GRIN2B: variants seen among roughly 807,000 people sequenced by gnomAD.
GRIN2B encodes glutamate receptor ionotropic, NMDA 2B.
GRIN2B carries 5 observed loss-of-function variants against 114.5 expected under a neutral mutation model. That is an observed-to-expected ratio of 0.04 (90% CI 0.02 to 0.09). The LOEUF is 0.09. Among genes scored for constraint, GRIN2B ranks in the 10% least tolerant of loss-of-function variants. The probability of loss-of-function intolerance (pLI) is 1.00; values close to 1 mark genes in which losing one functional copy is unlikely to be tolerated. For synonymous variants in GRIN2B, 787 were observed against 745.1 expected (o/e 1.06, Z -0.92); for missense variants, 1,108 against 1,943.5 (o/e 0.57, Z 8.08).
chr12:13,950,926 G>A (rs1343703568), intron 2 of GRIN2B, among the ~76,000 whole-genome samples: 1 of 152,072 alleles, frequency 6.6e-6, no homozygotes, highest in Non-Finnish European at 1.5e-5. Flanking sequence ...ATAGAAAAAA[G>A]CTAAGTTTGA....
chr12:13,779,741 C>CACTGCAGTT (rs1864072643), intron 3 of GRIN2B, among the ~76,000 whole-genome samples: 1 of 152,140 alleles, frequency 6.6e-6, no homozygotes, highest in Non-Finnish European at 1.5e-5. Flanking sequence ...CCATACTGAA[C>CACTGCAGTT]ACTGCAGTTA....
At chr12:13,734,832 G>A (rs899893784) in intron 4 of GRIN2B, among the ~76,000 whole-genome samples, 2 of 152,168 alleles carry the variant, frequency 1.3e-5, no homozygotes, top group African/African-American at 4.8e-5. Flanking sequence ...GATCTTAAAG[G>A]ACACCTATGT....
chr12:13,749,134 T>C (rs1863437712), intron 4 of GRIN2B, among the ~76,000 whole-genome samples: 1 of 152,244 alleles, frequency 6.6e-6, no homozygotes, highest in South Asian at 2.1e-4. Context: ...ATTGAAATAG[T>C]GCATTTAAGG....
At chr12:13,786,388 G>A (rs1454128285) in intron 3 of GRIN2B, among the ~76,000 whole-genome samples, 4 of 152,052 alleles carry the variant, frequency 2.6e-5, no homozygotes, top group East Asian at 1.9e-4. Flanking sequence ...TGGGACCACC[G>A]ATGCCTTAAA....
chr12:13,974,072 T>C (rs1211559606), intron 2 of GRIN2B, among the ~76,000 whole-genome samples: 1 of 152,186 alleles, frequency 6.6e-6, no homozygotes, highest in Admixed American at 6.5e-5. Flanking sequence ...CATCACTCCC[T>C]TTGCCATTAC....
intron 10 of GRIN2B, among the ~76,000 whole-genome samples, chr12:13,602,625 T>G (rs1949176119): frequency 1.3e-5 from 2 of 152,204 alleles, no homozygotes; most frequent in African/African-American, 4.8e-5. Context: ...AGAACGCATA[T>G]TTATTTACTT....
At position 13,548,294 on chromosome 12, in the gene GRIN2B, G is replaced by A. The variant is rs1430645072; in HGVS notation, c.*14489C>T. 6.6e-6 allele frequency: 1 copy of A among 152,006 alleles called. No individual in the cohort carries two copies. The highest frequency in any genetic ancestry group is 1.5e-5 in the Non-Finnish European group (1 of 67,988). 9.4% of individuals were successfully genotyped at this position (152,006 alleles called of 1,614,324 possible). A position where few individuals can be genotyped will look rare whatever the true frequency, so the allele number is the denominator to read the frequency against. On this transcript the variant is annotated 3_prime_UTR_variant, in exon 14 of 14. Transcript: ENST00000609686. ...GTGTATACTCGGTTTAGTGGCTTCAGTCTTGTGCAGATATAGATTTTCTTT... is the reference window on the plus strand; with the variant it reads ...GTGTATACTCGGTTTAGTGGCTTCAATCTTGTGCAGATATAGATTTTCTTT...
At chr12:13,712,244 G>A (rs1318065803) in intron 4 of GRIN2B, among the ~76,000 whole-genome samples, 1 of 151,678 alleles carries the variant, frequency 6.6e-6, no homozygotes, top group African/African-American at 2.4e-5. Context: ...TGGGGGGAAG[G>A]GGGAGGGATA....
intron 2 of GRIN2B, among the ~76,000 whole-genome samples, chr12:13,922,421 C>G (rs1011244491): frequency 3.3e-5 from 5 of 152,084 alleles, no homozygotes; most frequent in African/African-American, 7.2e-5. Context: ...GTTAGGATTA[C>G]AAGATTAGTA....
At chr12:13,618,622 A>G (rs766677877) in intron 5 of GRIN2B, among the ~76,000 whole-genome samples, 46 of 152,124 alleles carry the variant, frequency 3.0e-4, no homozygotes, top group Non-Finnish European at 6.3e-4. Flanking sequence ...TATAATCCTG[A>G]TTCAAAAATT....
At chr12:13,929,153 T>G (rs553377364) in intron 2 of GRIN2B, among the ~76,000 whole-genome samples, 2 of 152,328 alleles carry the variant, frequency 1.3e-5, no homozygotes, top group East Asian at 1.9e-4. Flanking sequence ...ACCTGAAGAT[T>G]TGTTCAAGAA....
intron 4 of GRIN2B, among the ~76,000 whole-genome samples, chr12:13,696,404 T>C (rs1229162725): frequency 6.6e-6 from 1 of 152,180 alleles, no homozygotes; most frequent in Non-Finnish European, 1.5e-5. Flanking sequence ...CCAACATCTC[T>C]TTTGCATGGT....
intron 5 of GRIN2B, among the ~76,000 whole-genome samples, chr12:13,656,891 C>A (rs1949869921): frequency 6.6e-6 from 1 of 152,128 alleles, no homozygotes; most frequent in Non-Finnish European, 1.5e-5. Flanking sequence ...GAAACCGAAG[C>A]CCAGGGACAT....
chr12:13,960,741 A>G (rs558533465), intron 2 of GRIN2B, among the ~76,000 whole-genome samples: 9 of 152,356 alleles, frequency 5.9e-5, no homozygotes, highest in Admixed American at 1.3e-4. Context: ...CAGGGAAGAC[A>G]GGAAGTATTG....
Position 13,546,201 on chromosome 12 carries a change from T to G in GRIN2B, c.*16582A>C, listed in dbSNP as rs1948339532. 6.6e-6 allele frequency: 1 copy of G among 152,224 alleles called. No individual in the cohort carries two copies. The highest frequency in any genetic ancestry group is 2.4e-5 in the African/African-American group (1 of 41,450). 9.4% of individuals were successfully genotyped at this position (152,224 alleles called of 1,614,324 possible). On this transcript the variant is annotated 3_prime_UTR_variant, in exon 14 of 14. Transcript: ENST00000609686. ...CCCTTGGCTTCCCAATTTAAGTCAA[T>G]GTAATCACAATGCACACAAGGCTCT...
intron 4 of GRIN2B, 65 bp from the exon 5 acceptor site, chr12:13,675,924 A>C (rs771768883): frequency 3.1e-4 from 269 of 880,438 alleles, no homozygotes; most frequent in Middle Eastern, 1.5e-3. Flanking sequence ...CAAGGCAGTC[A>C]GGTATATAGA....
chr12:13,602,756 G>C (rs11055537), intron 10 of GRIN2B, among the ~76,000 whole-genome samples: 4 of 152,040 alleles, frequency 2.6e-5, no homozygotes, highest in African/African-American at 9.7e-5. Context: ...TAGGTGTTAC[G>C]TGGCCATCCT....
chr12:13,927,960 C>A (rs1246609246), intron 2 of GRIN2B, among the ~76,000 whole-genome samples: 3 of 1,336 alleles, frequency 2.2e-3, no homozygotes, highest in South Asian at 0.2. Context: ...GAGCAAGACC[C>A]TGTCTCAAAA....
chr12:13,613,462 C>T (rs1949392044), intron 8 of GRIN2B, among the ~76,000 whole-genome samples: 1 of 152,112 alleles, frequency 6.6e-6, no homozygotes, highest in Non-Finnish European at 1.5e-5. Context: ...CTTTCCAATT[C>T]ATACTCAGAA....
Sources: allele counts gnomAD v4.1 joint callset (sites outside exome capture counted in the v4.1 genomes callset), GRCh38; gene constraint gnomAD v4.1.1; transcripts MANE v1.5; gene names NCBI Gene and HGNC (gene_info 2026-07-23, HGNC 2026-07-21).